Variants in COX7B2 observed in about 807,000 individuals in gnomAD.
The protein encoded by COX7B2 is cytochrome c oxidase subunit 7B2, mitochondrial.
For synonymous variants in COX7B2, 37 were observed against 32.1 expected, an observed-to-expected ratio of 1.15 and a Z score of -0.51; for missense variants, 109 against 95.9, an observed-to-expected ratio of 1.14 and a Z score of -0.57.
chr4:46,780,532 A>G (rs1301734053), intron 2 of COX7B2, among the ~76,000 whole-genome samples: 1 of 152,174 alleles, frequency 6.6e-6, no homozygotes, highest in Non-Finnish European at 1.5e-5. Context: ...GAAAAAACAA[A>G]AAAGTCTAAA....
chr4:46,831,513 G>A lies in COX7B2; in HGVS notation c.-50+13447C>T, dbSNP rs1351302765. Among the ~76,000 whole-genome samples, 4 of 152,218 alleles carry A rather than the reference G, an allele frequency of 2.6e-5. No homozygotes were observed. In the East Asian group the frequency reaches 7.7e-4, roughly 29 times the overall value. On this transcript the variant is annotated intron_variant, in intron 2 of 2. Transcript: ENST00000355591. ...ACTGGGTGAAGCCAGCTGGGCTCCT[G>A]AGTCTAGTGGGGACTTGGAGAACCT...
intron 1 of COX7B2, among the ~76,000 whole-genome samples, chr4:46,898,010 A>T (rs1719864849): frequency 6.6e-6 from 1 of 152,136 alleles, no homozygotes; most frequent in South Asian, 2.1e-4. Flanking sequence ...CTCTAAGCCT[A>T]ATTTTTGGCC....
chr4:46,815,427 C>A (rs541252202), intron 2 of COX7B2, among the ~76,000 whole-genome samples: 1 of 152,284 alleles, frequency 6.6e-6, no homozygotes, highest in South Asian at 2.1e-4. Context: ...ATCTATCCTA[C>A]TTGTTAATTC....
At chr4:46,853,749 T>C (rs1716846071) in intron 1 of COX7B2, among the ~76,000 whole-genome samples, 1 of 152,134 alleles carries the variant, frequency 6.6e-6, no homozygotes, top group Non-Finnish European at 1.5e-5. Flanking sequence ...AATAGTACTA[T>C]AATTATAAAG....
In COX7B2 at chr4:46,811,651, T is replaced by C. The variant is rs374858962; in HGVS notation, c.-50+33309A>G. 2.3e-4 allele frequency among the ~76,000 whole-genome samples: 35 copies of C among 152,282 alleles called. No homozygotes were observed. The East Asian group carries it at 6.0e-3, about 26-fold the overall frequency. On this transcript the variant is annotated intron_variant, in intron 2 of 2. Coordinates refer to ENST00000355591, the MANE Select transcript of COX7B2 (RefSeq NM_130902.3). Reference sequence around the variant, plus strand: ...TTTGTAAATTGTTGTTTCTGTGGGGTCAGTTACTGGAGAATTATTGTGTTC... The same window carrying C: ...TTTGTAAATTGTTGTTTCTGTGGGGCCAGTTACTGGAGAATTATTGTGTTC...
chr4:46,833,389 T>C (rs1404328892), intron 2 of COX7B2, among the ~76,000 whole-genome samples: 1 of 151,748 alleles, frequency 6.6e-6, no homozygotes, highest in Non-Finnish European at 1.5e-5. Context: ...AGAAAAGAGG[T>C]TAGAAATAGA....
chr4:46,769,872 C>A (rs138188789), intron 2 of COX7B2, among the ~76,000 whole-genome samples: 34 of 152,138 alleles, frequency 2.2e-4, no homozygotes, highest in Admixed American at 1.2e-3. Flanking sequence ...ATACAATAAG[C>A]CCACAGCTAA....
chr4:46,739,686 AT>A (rs969794351), intron 2 of COX7B2, among the ~76,000 whole-genome samples: 1 of 152,050 alleles, frequency 6.6e-6, no homozygotes, highest in Non-Finnish European at 1.5e-5. Flanking sequence ...AGAAACAAAA[AT>A]TGTTGGTGGG....
chr4:46,749,728 T>C (rs1340600577), intron 2 of COX7B2, among the ~76,000 whole-genome samples: 11 of 152,180 alleles, frequency 7.2e-5, no homozygotes. Flanking sequence ...ACTTTTTCAC[T>C]GATGAGATGA....
chr4:46,889,120 A>G (rs1849280), intron 1 of COX7B2, among the ~76,000 whole-genome samples: 37,696 of 152,050 alleles, frequency 0.25, 4,828 homozygotes, highest in East Asian at 0.29. Context: ...TGTGTCCGCA[A>G]ATTTAAATTT....
At chr4:46,891,306 T>C (rs1432444396) in intron 1 of COX7B2, among the ~76,000 whole-genome samples, 1 of 152,166 alleles carries the variant, frequency 6.6e-6, no homozygotes, top group East Asian at 1.9e-4. Context: ...TGGGGAATCT[T>C]CCATATACAG....
rs150268944 is a variant in COX7B2, at chr4:46,792,924, T to C, written c.-50+52036A>G. Among the ~76,000 whole-genome samples, 817 of 152,260 alleles carry C rather than the reference T, an allele frequency of 5.4e-3. 16 individuals carry two copies. Among genetic ancestry groups the C allele is most frequent in the African/African-American group, 0.019 (782 of 41,540 alleles). On this transcript the variant is annotated intron_variant, in intron 2 of 2. Transcript: ENST00000355591. ...CCATGGCATAATCTGGCAATAGAGA[T>C]ACACAAAATATCTGCATTGGATACA...
chr4:46,753,894 T>C (rs1186290152), intron 2 of COX7B2, among the ~76,000 whole-genome samples: 1 of 152,068 alleles, frequency 6.6e-6, no homozygotes, highest in East Asian at 1.9e-4. Flanking sequence ...CATCAACAAG[T>C]AGGCAGAGGA....
At chr4:46,873,547 AT>A (rs1322799714) in intron 1 of COX7B2, among the ~76,000 whole-genome samples, 1 of 152,122 alleles carries the variant, frequency 6.6e-6, no homozygotes, top group Non-Finnish European at 1.5e-5. Flanking sequence ...TGTGGTTTTG[AT>A]TTGCATTTGT....
rs567126761 is a variant in COX7B2 at position 46,815,066 on chromosome 4, G to T, written c.-50+29894C>A. Among the ~76,000 whole-genome samples the T allele has an allele frequency of 5.9e-5, 9 of 151,942 alleles. 1 individual carries two copies. The East Asian group carries it at 1.8e-3, about 30-fold the overall frequency. On this transcript the variant is annotated intron_variant, in intron 2 of 2. Coordinates refer to ENST00000355591, the MANE Select transcript of COX7B2 (RefSeq NM_130902.3). ...CCAGGCGTGGTGGTGCATGCCTGTA[G>T]TCCCAGCTACTCAGGAAGCTGAGAC...
chr4:46,817,789 A>G (rs1389830612), intron 2 of COX7B2, among the ~76,000 whole-genome samples: 1 of 152,274 alleles, frequency 6.6e-6, no homozygotes, highest in East Asian at 1.9e-4. Context: ...CAGGTTCCCT[A>G]AGCATCTCAG....
chr4:46,831,652 T>C (rs1018123702), intron 2 of COX7B2, among the ~76,000 whole-genome samples: 3 of 152,082 alleles, frequency 2.0e-5, no homozygotes, highest in African/African-American at 7.2e-5. Context: ...GATGCACCAG[T>C]TGGCACTCTA....
chr4:46,839,123 A>G (rs1431538801), intron 2 of COX7B2, among the ~76,000 whole-genome samples: 1 of 151,904 alleles, frequency 6.6e-6, no homozygotes, highest in Non-Finnish European at 1.5e-5. Context: ...CTTTTCTCAC[A>G]GAGACTTTGC....
At chr4:46,847,208 A>G (rs922881393) in intron 1 of COX7B2, among the ~76,000 whole-genome samples, 2 of 152,068 alleles carry the variant, frequency 1.3e-5, no homozygotes, top group African/African-American at 4.8e-5. Context: ...CATCTCCCAG[A>G]ATGTAGGCAG....
Sources: allele counts gnomAD v4.1 joint callset (sites outside exome capture counted in the v4.1 genomes callset), GRCh38; gene constraint gnomAD v4.1.1; transcripts MANE v1.5; gene names NCBI Gene and HGNC (gene_info 2026-07-23, HGNC 2026-07-21).